Variants in ZFP1 observed in about 807,000 individuals in gnomAD.
ZFP1 encodes zinc finger protein 1 homolog.
ZFP1 carries 32 observed loss-of-function variants against 38.5 expected under a neutral mutation model. That is an observed-to-expected ratio of 0.83 (90% CI 0.63 to 1.12). The LOEUF is 1.12. Ranked by LOEUF, ZFP1 falls within the 50% of genes most tolerant of loss-of-function variation. The pLI, the probability that ZFP1 is intolerant of heterozygous loss-of-function variation, is 0.00. For synonymous variants in ZFP1, 245 were observed against 168.8 expected, an observed-to-expected ratio of 1.45 and a Z score of -3.50; for missense variants, 616 against 480.8, an observed-to-expected ratio of 1.28 and a Z score of -2.63.
chr16:75,131,381 G>A, the ZFP1 span, among the ~76,000 whole-genome samples: 3 of 152,126 alleles, frequency 2.0e-5, no homozygotes, highest in Non-Finnish European at 4.4e-5. Context: ...CACCCTCCCC[G>A]GGGCAGAGCT....
chr16:75,122,980 T>C, the ZFP1 span, among the ~76,000 whole-genome samples: 10 of 152,310 alleles, frequency 6.6e-5, no homozygotes, highest in East Asian at 9.6e-4. Flanking sequence ...GTAAATATTA[T>C]AGGATAAATA....
the ZFP1 span, among the ~76,000 whole-genome samples, chr16:75,124,016 C>T: frequency 2.0e-5 from 3 of 151,482 alleles, no homozygotes; most frequent in Non-Finnish European, 4.4e-5. Context: ...ATCACTTGAA[C>T]CCAGGAAGCA....
the ZFP1 span, among the ~76,000 whole-genome samples, chr16:75,119,407 T>A: frequency 6.6e-6 from 1 of 152,174 alleles, no homozygotes; most frequent in Non-Finnish European, 1.5e-5. Context: ...CCTCTTTTTT[T>A]TTTGGAGTTT....
chr16:75,139,864 T>C, the ZFP1 span, among the ~76,000 whole-genome samples: 4 of 152,170 alleles, frequency 2.6e-5, no homozygotes, highest in Non-Finnish European at 5.9e-5. Flanking sequence ...CAGCGATGGA[T>C]AGTGGGGATA....
At chr16:75,133,567 A>G in the ZFP1 span, among the ~76,000 whole-genome samples, 18 of 152,200 alleles carry the variant, frequency 1.2e-4, no homozygotes, top group African/African-American at 4.3e-4. Flanking sequence ...CTCCATCTCC[A>G]TCCATGTTCC....
chr16:75,147,728 T>G (rs1490118878), upstream of ZFP1, among the ~76,000 whole-genome samples: 1 of 152,176 alleles, frequency 6.6e-6, no homozygotes, highest in East Asian at 1.9e-4. Flanking sequence ...CAAATTTTGC[T>G]GTGAACCTAA....
chr16:75,140,688 G>C, the ZFP1 span, among the ~76,000 whole-genome samples: 1 of 152,244 alleles, frequency 6.6e-6, no homozygotes, highest in East Asian at 1.9e-4. Flanking sequence ...GGCCGGGCAC[G>C]GTGGCTCACG....
At chr16:75,160,861 C>G (rs1320113260) in intron 2 of ZFP1, among the ~76,000 whole-genome samples, 4 of 151,856 alleles carry the variant, frequency 2.6e-5, no homozygotes, top group Non-Finnish European at 4.4e-5. Flanking sequence ...TTCATCAAGC[C>G]CCGTTAGAAG....
the ZFP1 span, among the ~76,000 whole-genome samples, chr16:75,137,048 C>T: frequency 7.2e-5 from 11 of 152,126 alleles, no homozygotes; most frequent in African/African-American, 2.4e-4. Context: ...TAATGCCAAT[C>T]TCCAGTAAAG....
the ZFP1 span, among the ~76,000 whole-genome samples, chr16:75,137,687 C>T: frequency 6.6e-6 from 1 of 151,766 alleles, no homozygotes; most frequent in East Asian, 1.9e-4. Flanking sequence ...AGGATGGCCT[C>T]GATCTCCTGA....
the ZFP1 span, among the ~76,000 whole-genome samples, chr16:75,130,199 C>T: frequency 1.3e-5 from 2 of 152,192 alleles, no homozygotes; most frequent in African/African-American, 4.8e-5. Flanking sequence ...TGGGGTTTCA[C>T]CATGTTGGCC....
intron 2 of ZFP1, among the ~76,000 whole-genome samples, chr16:75,159,060 C>T (rs975157568): frequency 5.3e-5 from 8 of 151,930 alleles, no homozygotes; most frequent in African/African-American, 1.7e-4. Context: ...TTATGCCCAG[C>T]TAATTTTTGT....
At chr16:75,127,296 C>G in the ZFP1 span, among the ~76,000 whole-genome samples, 1 of 152,084 alleles carries the variant, frequency 6.6e-6, no homozygotes, top group South Asian at 2.1e-4. Context: ...GTTGCTCAGG[C>G]TGGAGTGCAG....
intron 1 of ZFP1, among the ~76,000 whole-genome samples, chr16:75,149,807 CTGT>C (rs541688011): frequency 0.011 from 1,630 of 151,248 alleles, 30 homozygotes; most frequent in African/African-American, 0.037. Flanking sequence ...ATTTTCTTTT[CTGT>C]TGTTGTTGTT....
intron 2 of ZFP1, among the ~76,000 whole-genome samples, chr16:75,165,403 G>C (rs1403836194): frequency 6.6e-6 from 1 of 151,958 alleles, no homozygotes; most frequent in Non-Finnish European, 1.5e-5. Flanking sequence ...TTTCCTCTGG[G>C]TTTTTTTCTG....
the ZFP1 span, among the ~76,000 whole-genome samples, chr16:75,131,120 C>T: frequency 6.6e-6 from 1 of 152,140 alleles, no homozygotes; most frequent in Non-Finnish European, 1.5e-5. Flanking sequence ...ACGCTGTGCC[C>T]TCGGTCTGGC....
In ZFP1 at chr16:75,169,932, A is replaced by G. The variant is rs748595255; in HGVS notation, c.822A>G (p.Gly274=). The G allele has an allele frequency of 5.6e-6, 9 of 1,614,098 alleles. No individual in the cohort carries two copies. The highest frequency in any genetic ancestry group is 4.5e-5 in the East Asian group (2 of 44,898). The part of the protein sequence containing the change: ...EKKPYECSEC[G]KTFAQKFELT... Reference sequence around the variant, plus strand: ...AGCCCTATGAGTGCAGTGAATGTGGAAAGACATTTGCCCAAAAGTTTGAAC... The same window carrying G: ...AGCCCTATGAGTGCAGTGAATGTGGGAAGACATTTGCCCAAAAGTTTGAAC... Residue 274 remains glycine, a synonymous_variant, in exon 4 of 4, where the codon GGA becomes GGG. Coordinates refer to ENST00000570010, the MANE Select transcript of ZFP1 (RefSeq NM_153688.4).
chr16:75,170,182 G>A lies in ZFP1; in HGVS notation c.1072G>A (p.Gly358Ser), dbSNP rs779718456. ...GAAACCCTATGAATGTACTGAGTGC[G>A]GCAAAACTTTCAGCCAGAGGTCAAC... ...GEKPYECTEC[G>S]KTFSQRSTLR... The change falls in exon 4 of 4, where the codon GGC (glycine) becomes AGC (serine). Residue 358 changes from glycine to serine, a missense_variant. Coordinates refer to ENST00000570010, the MANE Select transcript of ZFP1 (RefSeq NM_153688.4). 2.4e-5 allele frequency: 38 copies of A among 1,614,144 alleles called. No individual in the cohort carries two copies. The highest frequency in any genetic ancestry group is 1.8e-4 in the South Asian group (16 of 91,074).
chr16:75,162,436 C>G (rs537547253), intron 2 of ZFP1, among the ~76,000 whole-genome samples: 2 of 152,106 alleles, frequency 1.3e-5, no homozygotes, highest in African/African-American at 4.8e-5. Flanking sequence ...TATAGGTCAA[C>G]TTAATTATCC....
Sources: allele counts gnomAD v4.1 joint callset (sites outside exome capture counted in the v4.1 genomes callset), GRCh38; gene constraint gnomAD v4.1.1; transcripts MANE v1.5; gene names NCBI Gene and HGNC (gene_info 2026-07-23, HGNC 2026-07-21).